Variants in ITPR1 observed in about 807,000 individuals in gnomAD.
The protein encoded by ITPR1 is inositol 1,4,5-trisphosphate-gated calcium channel ITPR1.
A neutral mutation model predicts 318.4 loss-of-function variants in ITPR1; 96 were observed. The ratio of observed to expected loss-of-function variants is 0.30; its 90% CI spans 0.26 to 0.36. ITPR1 has a LOEUF of 0.36. Among genes scored for constraint, ITPR1 ranks in the 10% least tolerant of loss-of-function variants. The pLI is 1.00. For missense variants in ITPR1, 2,440 were observed against 3,460.2 expected, an observed-to-expected ratio of 0.71 and a Z score of 7.40; for synonymous variants, 1,312 against 1,289.9, an observed-to-expected ratio of 1.02 and a Z score of -0.37.
At chr3:4,662,676 T>C (rs149892865) in intron 15 of ITPR1, among the ~76,000 whole-genome samples, 2,813 of 152,204 alleles carry the variant, frequency 0.018, 80 homozygotes, top group African/African-American at 0.063. Flanking sequence ...TGAGCCAAGA[T>C]CATACCACTG....
chr3:4,763,050 AG>A (rs2045562813), intron 44 of ITPR1, among the ~76,000 whole-genome samples: 1 of 152,224 alleles, frequency 6.6e-6, no homozygotes, highest in Admixed American at 6.5e-5. Flanking sequence ...TGTCCTTTGC[AG>A]GGACATGGAT....
rs144734324 is a variant in ITPR1, at chr3:4,784,169, G to A, written c.6615+249G>A. 1.5e-3 allele frequency among the ~76,000 whole-genome samples: 224 copies of A among 152,276 alleles called. 1 individual carries two copies. Among genetic ancestry groups the A allele is most frequent in the Admixed American group, 3.5e-3 (53 of 15,300 alleles). Reference sequence around the variant, plus strand: ...CACGAATTCACGAGGACAGGTGGGAGGCATCATAAGAAAGTCCAGCAGAGG... The same window carrying A: ...CACGAATTCACGAGGACAGGTGGGAAGCATCATAAGAAAGTCCAGCAGAGG... On this transcript the variant is annotated intron_variant, in intron 51 of 61. Transcript: ENST00000649015.
chr3:4,706,003 T>C (rs2094749047), intron 36 of ITPR1, among the ~76,000 whole-genome samples, 164 bp from the exon 37 acceptor site: 1 of 152,174 alleles, frequency 6.6e-6, no homozygotes, highest in African/African-American at 2.4e-5. Flanking sequence ...ACCTAAAAGA[T>C]GGTAAAGTTG....
chr3:4,680,947 C>T lies in ITPR1; in HGVS notation c.3106+256C>T, dbSNP rs41289638. On this transcript the variant is annotated intron_variant, in intron 25 of 61. Transcript: ENST00000649015. Reference sequence around the variant, plus strand: ...ACAGTTGAGGTTTCCAGCATTGTGGCTACCCACCTCCCCCGCAAAAATACC... The same window carrying T: ...ACAGTTGAGGTTTCCAGCATTGTGGTTACCCACCTCCCCCGCAAAAATACC... 0.21 allele frequency among the ~76,000 whole-genome samples: 32,664 copies of T among 152,042 alleles called. 3,813 individuals are homozygous for T. Among genetic ancestry groups the T allele is most frequent in the South Asian group, 0.37 (1,774 of 4,824 alleles).
At chr3:4,604,067 G>T (rs2091511843) in intron 4 of ITPR1, among the ~76,000 whole-genome samples, 1 of 152,060 alleles carries the variant, frequency 6.6e-6, no homozygotes, top group Non-Finnish European at 1.5e-5. Flanking sequence ...GTTTTGATTT[G>T]CATTTCTTCA....
chr3:4,685,020 C>T (rs536480294), intron 29 of ITPR1, 49 bp from the exon 30 acceptor site: 1 of 1,582,652 alleles, frequency 6.3e-7, no homozygotes. Flanking sequence ...CAATCTTTTT[C>T]CAGCTATAGT....
chr3:4,783,570 C>T (rs2046973645), intron 50 of ITPR1, among the ~76,000 whole-genome samples: 1 of 152,152 alleles, frequency 6.6e-6, no homozygotes, highest in African/African-American at 2.4e-5. Context: ...TCCTGCCTGG[C>T]TAATGACATC....
chr3:4,531,096 C>G (rs2083378484), intron 4 of ITPR1, among the ~76,000 whole-genome samples: 2 of 152,108 alleles, frequency 1.3e-5, no homozygotes, highest in Non-Finnish European at 2.9e-5. Flanking sequence ...GTTGGGCACC[C>G]TGAACCCACA....
At chr3:4,717,241 G>A (rs915656035) in intron 39 of ITPR1, 126 bp from the exon 40 acceptor site, 2 of 827,122 alleles carry the variant, frequency 2.4e-6, no homozygotes, top group Non-Finnish European at 3.9e-6. Context: ...CTCTTAGGAT[G>A]GTTACCCATC....
intron 40 of ITPR1, among the ~76,000 whole-genome samples, chr3:4,724,150 TC>T (rs2042348363): frequency 1.3e-5 from 2 of 152,172 alleles, no homozygotes; most frequent in Admixed American, 6.5e-5. Context: ...GGAAGTTTTC[TC>T]CCTGAGATTA....
At chr3:4,544,027 C>G (rs1449201924) in intron 4 of ITPR1, among the ~76,000 whole-genome samples, 1 of 151,306 alleles carries the variant, frequency 6.6e-6, no homozygotes, top group African/African-American at 2.4e-5. Context: ...ACACAGTGAG[C>G]TCTCCTTTCA....
At chr3:4,579,774 A>G (rs1485951005) in intron 4 of ITPR1, among the ~76,000 whole-genome samples, 1 of 152,178 alleles carries the variant, frequency 6.6e-6, no homozygotes, top group Non-Finnish European at 1.5e-5. Context: ...TGTTTGAATC[A>G]GGGTTAGACA....
chr3:4,685,279 A>G, intron 30 of ITPR1, 73 bp downstream of exon 30: 1 of 1,413,100 alleles, frequency 7.1e-7, no homozygotes, highest in African/African-American at 1.4e-5. Flanking sequence ...AACTCTTCAC[A>G]TCTGGATATT....
rs377198226 is a variant in ITPR1 at position 4,702,967 on chromosome 3, G to T, written c.4657+17G>T. On this transcript the variant is annotated intron_variant, in intron 36 of 61. Transcript: ENST00000649015. ...CTGATGTAGGTAAGATACCAAGTCA[G>T]TTTGGATATACGTGATGAAAATGAA... is the stretch of plus-strand genomic sequence containing the variant. The T allele has an allele frequency of 2.5e-6, 4 of 1,612,136 alleles. No homozygotes were observed. Among genetic ancestry groups the T allele is most frequent in the Admixed American group, 1.7e-5 (1 of 59,988 alleles).
chr3:4,645,875 C>T, intron 10 of ITPR1, 147 bp downstream of exon 10: 1 of 697,250 alleles, frequency 1.4e-6, no homozygotes, highest in Non-Finnish European at 2.4e-6. Context: ...CACACACACA[C>T]AGAATACATG....
chr3:4,777,195 G>GC (rs2125389731), intron 47 of ITPR1, 69 bp from the exon 48 acceptor site: 1 of 880,936 alleles, frequency 1.1e-6, no homozygotes, highest in East Asian at 2.7e-5. Flanking sequence ...TAGCAGTTCA[G>GC]CCTGTTGGCC....
rs185329051 is a variant in ITPR1, at chr3:4,712,503, G to A, written c.5103+635G>A. On this transcript the variant is annotated intron_variant, in intron 39 of 61. Transcript: ENST00000649015. ...CAGCCCCCAGCAACAAATGATGGGC[G>A]TGAATTGAAATCTCACTCATTTTCA... is the stretch of plus-strand genomic sequence containing the variant. Among the ~76,000 whole-genome samples, 12 of 152,318 alleles carry A rather than the reference G, an allele frequency of 7.9e-5. No individual in the cohort carries two copies. The East Asian group carries it at 1.3e-3, about 17-fold the overall frequency.
rs1389947116 is a variant in ITPR1 at position 4,652,238 on chromosome 3, G to GT, written c.951+24dup. The GT allele has an allele frequency of 2.5e-6, 4 of 1,583,046 alleles. No homozygotes were observed. The highest frequency in any genetic ancestry group is 3.5e-6 in the Non-Finnish European group (4 of 1,157,058). The stretch of plus-strand genomic sequence containing the variant: ...GCAGAGGTAAGTAGCAGCTCCTGTG[G>GT]TTTTCTCTTTCAAGGCTGACGCACC... On this transcript the variant is annotated intron_variant, in intron 11 of 61. Transcript: ENST00000649015.
intron 53 of ITPR1, chr3:4,800,224 A>C: frequency 1.9e-6 from 1 of 537,292 alleles, no homozygotes; most frequent in Non-Finnish European, 3.2e-6. Context: ...ACTTCCCAGC[A>C]GAAGGAGCAT....
Sources: allele counts gnomAD v4.1 joint callset (sites outside exome capture counted in the v4.1 genomes callset), GRCh38; gene constraint gnomAD v4.1.1; transcripts MANE v1.5; gene names NCBI Gene and HGNC (gene_info 2026-07-23, HGNC 2026-07-21).